Variants in AGPAT5 observed in about 807,000 individuals in gnomAD.
AGPAT5 encodes the protein 1-acyl-sn-glycerol-3-phosphate acyltransferase epsilon.
A neutral mutation model predicts 45.6 loss-of-function variants in AGPAT5; 46 were observed. The observed-to-expected ratio is 1.01, with a 90% confidence interval of 0.80 to 1.29. The LOEUF (loss-of-function observed/expected upper bound fraction) is 1.29, where lower values mean the gene tolerates loss of function less well. AGPAT5 is among the 50% of genes most tolerant of loss of function. The probability of loss-of-function intolerance (pLI) is 0.00; values close to 1 mark genes in which losing one functional copy is unlikely to be tolerated. For synonymous variants in AGPAT5, 272 were observed against 167.0 expected, an observed-to-expected ratio of 1.63 and a Z score of -4.85; for missense variants, 673 against 450.7, an observed-to-expected ratio of 1.49 and a Z score of -4.47.
intron 2 of AGPAT5, among the ~76,000 whole-genome samples, chr8:6,726,416 C>T (rs891185997): frequency 1.3e-5 from 2 of 152,164 alleles, no homozygotes; most frequent in Non-Finnish European, 2.9e-5. Context: ...CTTCAGTTTA[C>T]CTGCCAGCTT....
At chr8:6,732,800 G>A in intron 4 of AGPAT5, 150 bp downstream of exon 4, 1 of 704,152 alleles carries the variant, frequency 1.4e-6, no homozygotes, top group South Asian at 2.3e-5. Flanking sequence ...AACCCTCTAT[G>A]TACAGGTAGG....
At chr8:6,717,340 C>A (rs1046762893) in intron 1 of AGPAT5, among the ~76,000 whole-genome samples, 1 of 152,180 alleles carries the variant, frequency 6.6e-6, no homozygotes. Context: ...CTGCGCTCCT[C>A]CAGCTTGGCA....
chr8:6,726,815 C>G (rs974045638), intron 2 of AGPAT5, among the ~76,000 whole-genome samples: 3 of 152,278 alleles, frequency 2.0e-5, no homozygotes, highest in East Asian at 3.9e-4. Flanking sequence ...GGCACCACAT[C>G]CTCATCCCAG....
intron 5 of AGPAT5, among the ~76,000 whole-genome samples, chr8:6,743,999 A>G (rs1237747829): frequency 6.6e-6 from 1 of 152,160 alleles, no homozygotes; most frequent in Non-Finnish European, 1.5e-5. Context: ...GCTACAAAGC[A>G]ATTTTTTTCT....
chr8:6,735,284 G>T (rs1025557737), intron 4 of AGPAT5, among the ~76,000 whole-genome samples: 1 of 152,132 alleles, frequency 6.6e-6, no homozygotes, highest in South Asian at 2.1e-4. Context: ...AAGGATGTGG[G>T]CTGGGCCCTG....
At chr8:6,722,490 A>T (rs191423299) in intron 1 of AGPAT5, among the ~76,000 whole-genome samples, 1 of 152,348 alleles carries the variant, frequency 6.6e-6, no homozygotes, top group East Asian at 1.9e-4. Context: ...TTTAACAAAG[A>T]ATGCTGTATA....
At chr8:6,722,638 C>G (rs188719816) in intron 1 of AGPAT5, among the ~76,000 whole-genome samples, 1 of 152,154 alleles carries the variant, frequency 6.6e-6, no homozygotes, top group Non-Finnish European at 1.5e-5. Flanking sequence ...AAGTTAAAAA[C>G]AACACAGATG....
chr8:6,747,362 C>T (rs959329287), intron 5 of AGPAT5, among the ~76,000 whole-genome samples: 5 of 152,166 alleles, frequency 3.3e-5, no homozygotes, highest in Non-Finnish European at 2.9e-5. Flanking sequence ...TGGCCAGAAG[C>T]GAGGGCACTA....
At chr8:6,750,440 C>T (rs1427485051) in intron 6 of AGPAT5, among the ~76,000 whole-genome samples, 1 of 152,088 alleles carries the variant, frequency 6.6e-6, no homozygotes, top group Admixed American at 6.5e-5. Context: ...ACCCAGATAC[C>T]ATAAAGAAAA....
At chr8:6,751,742 T>C (rs571875642) in intron 6 of AGPAT5, among the ~76,000 whole-genome samples, 49 of 152,340 alleles carry the variant, frequency 3.2e-4, no homozygotes, top group Non-Finnish European at 6.3e-4. Context: ...CTGAAGTGGC[T>C]GTTGTAATGT....
chr8:6,717,235 C>G (rs952738490), intron 1 of AGPAT5, among the ~76,000 whole-genome samples: 2 of 152,134 alleles, frequency 1.3e-5, no homozygotes, highest in Admixed American at 6.6e-5. Flanking sequence ...TCTGTAGGCA[C>G]CAGAAATCAA....
chr8:6,732,283 TAAGA>T lies in AGPAT5; in HGVS notation c.406-270_406-267del, dbSNP rs1232102131. On this transcript the variant is annotated intron_variant, in intron 3 of 7. Transcript: ENST00000285518. ...TTTTTTATTTTTAAAAATGTGTATT[TAAGA>T]AAGAAAGCATTTTCATTTTAACTGC... Among the ~76,000 whole-genome samples, 5 of 152,364 alleles carry T rather than the reference TAAGA, an allele frequency of 3.3e-5. No individual in the cohort carries two copies. In the East Asian group the frequency reaches 9.6e-4, roughly 29 times the overall value.
chr8:6,744,050 AC>A (rs1409996795), intron 5 of AGPAT5, among the ~76,000 whole-genome samples: 2 of 152,124 alleles, frequency 1.3e-5, no homozygotes, highest in Non-Finnish European at 2.9e-5. Context: ...TATGTCTCAA[AC>A]ATCATATGAA....
intron 4 of AGPAT5, among the ~76,000 whole-genome samples, chr8:6,734,549 T>A (rs1304471495): frequency 6.6e-6 from 1 of 152,230 alleles, no homozygotes; most frequent in East Asian, 1.9e-4. Context: ...ATACTTGCAG[T>A]TCTCTTAAAT....
rs770924591 is a variant in AGPAT5, at chr8:6,755,041, T to G, written c.746-10T>G. Reference sequence around the variant, plus strand: ...AGTAAAAAAAAAGAATTATTTTTGTTCTTTGTTAGAATTTCTCTGCAAAGA... The same window carrying G: ...AGTAAAAAAAAAGAATTATTTTTGTGCTTTGTTAGAATTTCTCTGCAAAGA... On this transcript the variant is annotated splice_polypyrimidine_tract_variant and intron_variant, in intron 6 of 7. Coordinates refer to ENST00000285518, the MANE Select transcript of AGPAT5 (RefSeq NM_018361.5). 1.3e-6 allele frequency: 2 copies of G among 1,567,824 alleles called. No homozygotes were observed. The highest frequency in any genetic ancestry group is 4.5e-5 in the East Asian group (2 of 44,118).
intron 1 of AGPAT5, among the ~76,000 whole-genome samples, chr8:6,722,943 C>G (rs192340498): frequency 2.0e-5 from 3 of 151,946 alleles, no homozygotes; most frequent in East Asian, 3.9e-4. Context: ...TTATGAAAAA[C>G]AAAAAGAAAA....
At chr8:6,738,326 A>T (rs895454844) in intron 4 of AGPAT5, 1 of 152,232 alleles carries the variant, frequency 6.6e-6, no homozygotes, top group African/African-American at 2.4e-5. Flanking sequence ...GGGAATAGGG[A>T]AACCCAAGGG....
In AGPAT5 at chr8:6,760,990, GA is replaced by G. The variant is rs1802022622; in HGVS notation, c.*3603del. Among the ~76,000 whole-genome samples the G allele has an allele frequency of 6.6e-6, 1 of 152,130 alleles. No individual in the cohort carries two copies. The highest frequency in any genetic ancestry group is 1.5e-5 in the Non-Finnish European group (1 of 68,022). On this transcript the variant is annotated 3_prime_UTR_variant, in exon 8 of 8. Transcript: ENST00000285518. ...CTCTTCGATACTATCATCAATATTTGACATCTTTTCCAATTTGTGTATGAAA... is the reference window on the plus strand; with the variant it reads ...CTCTTCGATACTATCATCAATATTTGCATCTTTTCCAATTTGTGTATGAAA...
At chr8:6,756,386 G>C (rs1801834337) in intron 7 of AGPAT5, among the ~76,000 whole-genome samples, 1 of 152,050 alleles carries the variant, frequency 6.6e-6, no homozygotes. Flanking sequence ...CAGCACTTTG[G>C]GAGGCTAAGG....
Sources: allele counts gnomAD v4.1 joint callset (sites outside exome capture counted in the v4.1 genomes callset), GRCh38; gene constraint gnomAD v4.1.1; transcripts MANE v1.5; gene names NCBI Gene and HGNC (gene_info 2026-07-23, HGNC 2026-07-21).